The following RHOJ variants were observed in gnomAD, a reference collection of about 807,000 sequenced individuals.
RHOJ encodes the protein rho-related GTP-binding protein RhoJ.
RHOJ carries 11 observed loss-of-function variants against 23.4 expected under a neutral mutation model. The observed-to-expected ratio is 0.47, with a 90% confidence interval of 0.30 to 0.78. RHOJ has a LOEUF of 0.78. Among genes scored for constraint, RHOJ ranks in the 30% least tolerant of loss-of-function variants. RHOJ has a pLI of 0.08. For missense variants in RHOJ, 254 were observed against 273.4 expected, an observed-to-expected ratio of 0.93 and a Z score of 0.50; for synonymous variants, 102 against 102.7, an observed-to-expected ratio of 0.99 and a Z score of 0.04.
chr14:63,281,979 G>T (rs138306387), intron 3 of RHOJ, among the ~76,000 whole-genome samples: 3 of 152,104 alleles, frequency 2.0e-5, no homozygotes, highest in Non-Finnish European at 4.4e-5. Flanking sequence ...GGAGAGAAAA[G>T]AAAAATATTT....
chr14:63,277,567 G>T (rs982419664), intron 2 of RHOJ, among the ~76,000 whole-genome samples: 3 of 152,154 alleles, frequency 2.0e-5, no homozygotes, highest in Non-Finnish European at 4.4e-5. Context: ...GCAATAAATG[G>T]CCCACAGAAG....
chr14:63,263,934 G>A (rs1895318167), intron 1 of RHOJ, among the ~76,000 whole-genome samples: 1 of 151,062 alleles, frequency 6.6e-6, no homozygotes, highest in South Asian at 2.1e-4. Flanking sequence ...GTAGCTCTTG[G>A]CCATCCTCAG....
chr14:63,246,344 T>C (rs1051086097), intron 1 of RHOJ, among the ~76,000 whole-genome samples: 1 of 152,070 alleles, frequency 6.6e-6, no homozygotes, highest in South Asian at 2.1e-4. Context: ...AAGTCTAGAG[T>C]GTTCAGGGAA....
intron 1 of RHOJ, among the ~76,000 whole-genome samples, chr14:63,252,777 T>A (rs10150464): frequency 0.3 from 45,105 of 152,022 alleles, 8,133 homozygotes; most frequent in East Asian, 0.5. Context: ...TGGAATAAGA[T>A]ATATCTCTTT....
intron 1 of RHOJ, among the ~76,000 whole-genome samples, chr14:63,253,076 G>T: frequency 6.6e-6 from 1 of 152,082 alleles, no homozygotes; most frequent in East Asian, 1.9e-4. Flanking sequence ...TATATCACTT[G>T]CCTATTCTTT....
intron 1 of RHOJ, among the ~76,000 whole-genome samples, 190 bp downstream of exon 1, chr14:63,205,237 G>A (rs372619917): frequency 1.9e-4 from 29 of 152,302 alleles, no homozygotes; most frequent in African/African-American, 5.8e-4. Context: ...AATGTGTATG[G>A]TAACACTTTT....
intron 4 of RHOJ, chr14:63,288,261 G>C (rs545347907): frequency 1.0e-6 from 1 of 985,468 alleles, no homozygotes; most frequent in East Asian, 1.1e-4. Context: ...CATGCTGTCA[G>C]CTGCACACTG....
chr14:63,260,285 G>A (rs1212262337), intron 1 of RHOJ, among the ~76,000 whole-genome samples: 1 of 152,170 alleles, frequency 6.6e-6, no homozygotes, highest in Non-Finnish European at 1.5e-5. Context: ...TTCTGAAAAA[G>A]ATGAGTTGCT....
intron 1 of RHOJ, among the ~76,000 whole-genome samples, chr14:63,236,282 C>T (rs1458828268): frequency 6.6e-6 from 1 of 152,262 alleles, no homozygotes; most frequent in Admixed American, 6.5e-5. Context: ...CAGCTGAATG[C>T]CTTCTGGAAT....
chr14:63,286,937 G>T (rs1882101705), intron 4 of RHOJ, among the ~76,000 whole-genome samples: 1 of 152,124 alleles, frequency 6.6e-6, no homozygotes, highest in Admixed American at 6.5e-5. Flanking sequence ...AACCTGTTTG[G>T]TTCTTTTTCT....
At chr14:63,284,454 C>T (rs180985947) in intron 4 of RHOJ, 3 of 653,500 alleles carry the variant, frequency 4.6e-6, no homozygotes, top group Non-Finnish European at 5.7e-6. Flanking sequence ...GCGTTGGTCT[C>T]AGCTTACAGA....
At chr14:63,249,019 G>A (rs1302174870) in intron 1 of RHOJ, among the ~76,000 whole-genome samples, 1 of 152,180 alleles carries the variant, frequency 6.6e-6, no homozygotes, top group Non-Finnish European at 1.5e-5. Context: ...CAGTGCCTAA[G>A]CAATCAATGT....
At chr14:63,249,469 T>A (rs990539710) in intron 1 of RHOJ, among the ~76,000 whole-genome samples, 4 of 152,214 alleles carry the variant, frequency 2.6e-5, no homozygotes, top group African/African-American at 9.6e-5. Flanking sequence ...TGCCTAAGAA[T>A]TCACCTTTAT....
chr14:63,216,234 C>T (rs1010901204), intron 1 of RHOJ, among the ~76,000 whole-genome samples: 4 of 152,062 alleles, frequency 2.6e-5, no homozygotes, highest in African/African-American at 9.7e-5. Flanking sequence ...TCTGTTCTAC[C>T]TCTGTTATAT....
In RHOJ at chr14:63,261,709, G is replaced by A. The variant is rs377027706; in HGVS notation, c.179-7401G>A. On this transcript the variant is annotated intron_variant, in intron 1 of 4. Coordinates refer to ENST00000316754, the MANE Select transcript of RHOJ (RefSeq NM_020663.5). ...TCCTGCCTCAGCCTCCCAAAGTGCT[G>A]CAATTACAGGCATGAGCCACTGCAC... is the stretch of plus-strand genomic sequence containing the variant. Among the ~76,000 whole-genome samples, 47 of 151,796 alleles carry A rather than the reference G, an allele frequency of 3.1e-4. No homozygotes were observed. The South Asian group carries it at 9.8e-3, about 32-fold the overall frequency.
chr14:63,254,879 A>G (rs1444672773), intron 1 of RHOJ, among the ~76,000 whole-genome samples: 1 of 152,150 alleles, frequency 6.6e-6, no homozygotes, highest in Non-Finnish European at 1.5e-5. Flanking sequence ...AAGTCCCCAT[A>G]TAGAAGAAAG....
At chr14:63,264,542 C>T (rs913508668) in intron 1 of RHOJ, among the ~76,000 whole-genome samples, 4 of 152,020 alleles carry the variant, frequency 2.6e-5, no homozygotes, top group African/African-American at 9.7e-5. Context: ...GGATATATAC[C>T]CAGTAATGGG....
chr14:63,280,896 C>A, intron 2 of RHOJ, 75 bp from the exon 3 acceptor site: 1 of 1,429,614 alleles, frequency 7.0e-7, no homozygotes. Context: ...GGACTCTTAC[C>A]TGAAATCTGA....
rs141927241 is a variant in RHOJ at position 63,281,082 on chromosome 14, C to G, written c.349C>G (p.Pro117Ala). The G allele has an allele frequency of 4.8e-4, 779 of 1,614,030 alleles. No homozygotes were observed. The highest frequency in any genetic ancestry group is 5.9e-4 in the South Asian group (54 of 91,068). Reference sequence around the variant, plus strand: ...CCACAATGTCCAGGAGGAATGGGTCCCCGAGCTCAAGGACTGCATGCCTCA... The same window carrying G: ...CCACAATGTCCAGGAGGAATGGGTCGCCGAGCTCAAGGACTGCATGCCTCA... ...SYHNVQEEWV[P>A]ELKDCMPHVP... The change falls in exon 3 of 5, where the codon CCC (proline) becomes GCC (alanine). Residue 117 changes from proline to alanine, a missense_variant. By Grantham distance (27) the Pro-to-Ala change is conservative. Coordinates refer to ENST00000316754, the MANE Select transcript of RHOJ (RefSeq NM_020663.5).
Sources: allele counts gnomAD v4.1 joint callset (sites outside exome capture counted in the v4.1 genomes callset), GRCh38; gene constraint gnomAD v4.1.1; transcripts MANE v1.5; gene names NCBI Gene and HGNC (gene_info 2026-07-23, HGNC 2026-07-21).